The following TTC7A variants were observed in gnomAD, a reference collection of about 807,000 sequenced individuals.
TTC7A encodes the protein tetratricopeptide repeat protein 7A.
Under a neutral mutation model 103.7 loss-of-function variants are expected in TTC7A, and 110 were observed. That is an observed-to-expected ratio of 1.06 (90% CI 0.91 to 1.24). TTC7A has a LOEUF of 1.24. Among genes scored for constraint, TTC7A ranks in the 50% most tolerant of loss-of-function variants. The pLI is 0.00. For synonymous variants in TTC7A, 521 were observed against 467.9 expected (o/e 1.11, Z -1.47); for missense variants, 1,340 against 1,116.3 (o/e 1.20, Z -2.86).
At position 47,073,775 on chromosome 2, in the gene TTC7A, G is replaced by A. The variant is rs773723333; in HGVS notation, c.2429G>A (p.Ser810Asn). Residue 810 changes from serine to asparagine, a missense_variant, in exon 20 of 20, where the codon AGT becomes AAT. Physicochemically the swap from Ser to Asn is conservative, Grantham distance 46. Coordinates refer to ENST00000319190, the MANE Select transcript of TTC7A (RefSeq NM_020458.4). ...KVLRDAVERQ[S>N]TCHEAWQGLG... ...CTTCGTGATGCCGTGGAGAGGCAGA[G>A]TACGTGCCACGAGGCGTGGCAGGGC... is the stretch of plus-strand genomic sequence containing the variant. 2.0e-5 allele frequency: 33 copies of A among 1,613,744 alleles called. No individual in the cohort carries two copies. In the South Asian group the frequency reaches 3.1e-4, roughly 15 times the overall value.
intron 3 of TTC7A, among the ~76,000 whole-genome samples, chr2:46,964,216 G>A (rs1034041229): frequency 9.2e-5 from 14 of 152,214 alleles, no homozygotes; most frequent in African/African-American, 3.4e-4. Flanking sequence ...GCCTGAACTT[G>A]AGGATGAATC....
chr2:47,073,718 G>C lies in TTC7A; in HGVS notation c.2372G>C (p.Arg791Pro). Residue 791 changes from arginine (R) to proline (P), a missense_variant, in exon 20 of 20, where the codon CGG becomes CCG. Physicochemically the swap from Arg to Pro is moderately radical, Grantham distance 103. Coordinates refer to ENST00000319190, the MANE Select transcript of TTC7A (RefSeq NM_020458.4). ...CGTCCACAGGGTCTGATGCTGAGTC[G>C]GCTGGGCCACAAGAGCTTGGCCCAG... is the stretch of plus-strand genomic sequence containing the variant. ...IMHSLGLMLSRLGHKSLAQKV... is the reference protein window; with the variant it reads ...IMHSLGLMLSPLGHKSLAQKV... The C allele has an allele frequency of 6.2e-7, 1 of 1,613,772 alleles. No individual in the cohort carries two copies. The highest frequency in any genetic ancestry group is 8.5e-7 in the Non-Finnish European group (1 of 1,180,008).
chr2:47,051,309 T>C (rs13389149), intron 17 of TTC7A, among the ~76,000 whole-genome samples: 24,275 of 152,232 alleles, frequency 0.16, 2,372 homozygotes, highest in African/African-American at 0.28. Flanking sequence ...TTGCTTGTTT[T>C]CACCTAACTA....
At chr2:46,922,469 A>G (rs1217088356) in intron 2 of TTC7A, among the ~76,000 whole-genome samples, 2 of 152,108 alleles carry the variant, frequency 1.3e-5, no homozygotes, top group Non-Finnish European at 2.9e-5. Context: ...TGGTTTATAT[A>G]GGTAGTATTA....
At chr2:46,917,163 T>A (rs975749689) in intron 1 of TTC7A, 1 of 693,074 alleles carries the variant, frequency 1.4e-6, no homozygotes, top group African/African-American at 1.8e-5. Context: ...TAATCCCTAA[T>A]TTTTTTTTCT....
intron 3 of TTC7A, among the ~76,000 whole-genome samples, chr2:46,970,703 C>T (rs772137257): frequency 1.2e-4 from 19 of 152,238 alleles, no homozygotes; most frequent in Non-Finnish European, 2.4e-4. Context: ...GGCTGCATGT[C>T]TGGGGAGCAG....
chr2:47,019,778 C>T (rs962970303), intron 11 of TTC7A, among the ~76,000 whole-genome samples: 1 of 151,996 alleles, frequency 6.6e-6, no homozygotes, highest in Admixed American at 6.6e-5. Flanking sequence ...TGGAGTGCAG[C>T]GGGTGTCTGG....
At chr2:47,023,854 C>T (rs533718843) in intron 13 of TTC7A, among the ~76,000 whole-genome samples, 17 of 142,858 alleles carry the variant, frequency 1.2e-4, no homozygotes, top group Non-Finnish European at 2.2e-4. Context: ...AGCCACCCCT[C>T]CCACTAAACC....
intron 18 of TTC7A, among the ~76,000 whole-genome samples, chr2:47,060,393 T>TA (rs1196102703): frequency 1.5e-4 from 23 of 151,250 alleles, no homozygotes; most frequent in East Asian, 5.8e-4. Context: ...TAATTTTTTT[T>TA]AAAAAAAAGG....
At chr2:47,036,590 C>T (rs1379250418) in intron 15 of TTC7A, among the ~76,000 whole-genome samples, 1 of 152,150 alleles carries the variant, frequency 6.6e-6, no homozygotes, top group Non-Finnish European at 1.5e-5. Context: ...AAAATCATAC[C>T]CTCTAGGCTG....
chr2:46,999,572 A>G lies in TTC7A; in HGVS notation c.1065+4373A>G, dbSNP rs942675669. 9.4e-5 allele frequency: 93 copies of G among 985,336 alleles called. 1 individual carries two copies. In the Middle Eastern group the frequency reaches 2.6e-3, roughly 27 times the overall value. 61.0% of individuals were successfully genotyped at this position (985,336 alleles called of 1,614,324 possible). A position where few individuals can be genotyped will look rare whatever the true frequency, so the allele number is the denominator to read the frequency against. On this transcript the variant is annotated intron_variant, in intron 8 of 19. Transcript: ENST00000319190. The stretch of plus-strand genomic sequence containing the variant: ...TAGTTCCTGTCCCAAATGGACTCCC[A>G]TCTACTGCAGTTTGTACCCAGGGAT...
intron 15 of TTC7A, 113 bp downstream of exon 15, chr2:47,029,497 C>T (rs187684398): frequency 5.7e-5 from 68 of 1,186,664 alleles, no homozygotes; most frequent in African/African-American, 5.1e-4. Context: ...AGTAAGCACC[C>T]GCTGCATGCA....
chr2:47,043,913 A>G (rs917251583), intron 15 of TTC7A, among the ~76,000 whole-genome samples: 2 of 152,220 alleles, frequency 1.3e-5, no homozygotes, highest in South Asian at 2.1e-4. Flanking sequence ...GGTCTGCCCT[A>G]GACCCATTCC....
intron 1 of TTC7A, among the ~76,000 whole-genome samples, chr2:46,942,598 C>T (rs1670535266): frequency 1.3e-5 from 2 of 152,152 alleles, no homozygotes; most frequent in South Asian, 4.1e-4. Flanking sequence ...AGACACTGTC[C>T]TGAGCACTTT....
rs111233305 is a variant in TTC7A, at chr2:46,957,042, T to G, written c.517+35T>G. The G allele has an allele frequency of 2.7e-3, 4,427 of 1,613,560 alleles. 109 individuals are homozygous for G. In the African/African-American group the frequency reaches 0.05, roughly 18 times the overall value. On this transcript the variant is annotated intron_variant, in intron 3 of 19. Transcript: ENST00000319190. Reference sequence around the variant, plus strand: ...GGCACCAGCCTGGGCTCCCCTCCACTGTGTGCAGCTCGTTGCACTCTGACT... The same window carrying G: ...GGCACCAGCCTGGGCTCCCCTCCACGGTGTGCAGCTCGTTGCACTCTGACT...
At chr2:47,019,362 A>G (rs1344801349) in intron 11 of TTC7A, among the ~76,000 whole-genome samples, 1 of 151,700 alleles carries the variant, frequency 6.6e-6, no homozygotes, top group East Asian at 1.9e-4. Context: ...GTGAGACACC[A>G]TTTTCTATTT....
chr2:46,960,270 C>G (rs760656949), intron 3 of TTC7A, among the ~76,000 whole-genome samples: 8 of 152,190 alleles, frequency 5.3e-5, no homozygotes, highest in Admixed American at 2.0e-4. Context: ...CAGTAATGCC[C>G]TGTTCTGTGG....
Position 47,073,626 on chromosome 2 carries a change from C to T in TTC7A, c.2356-76C>T. The T allele has an allele frequency of 3.0e-6, 4 of 1,312,758 alleles. No homozygotes were observed. The South Asian group carries it at 5.0e-5, about 16-fold the overall frequency. The allele number at this position is 1,312,758 out of a possible 1,614,324, so 81.3% of individuals were successfully genotyped here. ...CTGATGGCTGCTGCCACCCGTGCAC[C>T]TGTGCTTGGCCCAGTTGCCAAGATG... is the stretch of plus-strand genomic sequence containing the variant. On this transcript the variant is annotated intron_variant, in intron 19 of 19. Coordinates refer to ENST00000319190, the MANE Select transcript of TTC7A (RefSeq NM_020458.4).
chr2:46,975,253 C>A, intron 4 of TTC7A, 150 bp downstream of exon 4: 8 of 1,028,212 alleles, frequency 7.8e-6, no homozygotes, highest in Non-Finnish European at 9.9e-6. Flanking sequence ...AGTTGGAAAA[C>A]TCATTATAGT....
Sources: allele counts gnomAD v4.1 joint callset (sites outside exome capture counted in the v4.1 genomes callset), GRCh38; gene constraint gnomAD v4.1.1; transcripts MANE v1.5; gene names NCBI Gene and HGNC (gene_info 2026-07-23, HGNC 2026-07-21).